Variants in HTR2B observed in about 807,000 individuals in gnomAD.
The protein encoded by HTR2B is 5-hydroxytryptamine receptor 2B.
A neutral mutation model predicts 39.8 loss-of-function variants in HTR2B; 31 were observed. The observed-to-expected ratio is 0.78, with a 90% confidence interval of 0.58 to 1.05. The LOEUF is 1.05. Among genes scored for constraint, HTR2B ranks in the 50% least tolerant of loss-of-function variants. HTR2B has a pLI of 0.00. For synonymous variants in HTR2B, 210 were observed against 207.1 expected (o/e 1.01, Z -0.12); for missense variants, 562 against 578.0 (o/e 0.97, Z 0.28).
At chr2:231,124,940 A>G (rs1326124062) in intron 1 of HTR2B, 32 bp downstream of exon 1, 1 of 152,088 alleles carries the variant, frequency 6.6e-6, no homozygotes, top group African/African-American at 2.4e-5. Flanking sequence ...AAACCTTTAG[A>G]TTAATTCCAT....
Position 231,123,911 on chromosome 2 carries a change from A to ACGCCTGTAATCCC in HTR2B, c.-148_-147insGGGATTACAGGCG. ...CACCTTCCTTTAAAAAAAAAAATTC[A>ACGCCTGTAATCCC]AGTTCTCTAAAATGAGCGCATACAC... On this transcript the variant is annotated 5_prime_UTR_variant, in exon 2 of 4. It removes the in-frame stop codon of an upstream open reading frame in the 5' UTR. Transcript: ENST00000258400. 1 of 696,530 alleles carries ACGCCTGTAATCCC rather than the reference A, an allele frequency of 1.4e-6. No individual in the cohort carries two copies. The highest frequency in any genetic ancestry group is 2.6e-6 in the Non-Finnish European group (1 of 384,614). The allele number at this position is 696,530 out of a possible 1,614,324, so 43.1% of individuals were successfully genotyped here. A position where few individuals can be genotyped will look rare whatever the true frequency, so the allele number is the denominator to read the frequency against.
chr2:231,113,954 A>G, intron 2 of HTR2B, 25 bp from the exon 3 acceptor site: 1 of 1,594,818 alleles, frequency 6.3e-7, no homozygotes, highest in African/African-American at 1.3e-5. Flanking sequence ...AACAAGACAA[A>G]CATTTTATTC....
At position 231,114,531 on chromosome 2, in the gene HTR2B, G is replaced by A. The variant is rs114641757; in HGVS notation, c.353-602C>T. ...CAAAAGGAATGGCTTCAGATTATCC[G>A]GAAGAAAAGTAGATTGTTTCCCCTT... On this transcript the variant is annotated intron_variant, in intron 2 of 3. Transcript: ENST00000258400. Among the ~76,000 whole-genome samples, 1,170 of 152,128 alleles carry A rather than the reference G, an allele frequency of 7.7e-3. 6 individuals carry two copies. The highest frequency in any genetic ancestry group is 0.012 in the Non-Finnish European group (803 of 67,982).
intron 2 of HTR2B, among the ~76,000 whole-genome samples, chr2:231,114,136 T>C (rs969925690): frequency 1.3e-5 from 2 of 152,226 alleles, no homozygotes; most frequent in African/African-American, 4.8e-5. Context: ...CATTTTCTAT[T>C]TTGCATAATA....
intron 2 of HTR2B, among the ~76,000 whole-genome samples, chr2:231,121,211 A>T (rs1695529395): frequency 6.6e-6 from 1 of 152,144 alleles, no homozygotes. Context: ...GGGCTATAAA[A>T]TATTTTATTT....
At position 231,123,672 on chromosome 2, in the gene HTR2B, C is replaced by G; in HGVS notation, c.93G>C (p.Trp31Cys). The change falls in exon 2 of 4, where the codon TGG (tryptophan) becomes TGC (cysteine). Residue 31 changes from tryptophan to cysteine, a missense_variant. Trp to Cys is a radical substitution (Grantham distance 215). Transcript: ENST00000258400. ...GTATTGATTCTGTCTGTAATCCAGA[C>G]CAGTTAGAAGAGATAACGTGAACAA... ...STFVHVISSN[W>C]SGLQTESIPE... 1 of 1,613,976 alleles carries G rather than the reference C, an allele frequency of 6.2e-7. No homozygotes were observed. The highest frequency in any genetic ancestry group is 1.1e-5 in the South Asian group (1 of 91,076).
At chr2:231,123,322 T>C in intron 2 of HTR2B, 91 bp downstream of exon 2, 1 of 966,214 alleles carries the variant, frequency 1.0e-6, no homozygotes, top group Non-Finnish European at 1.7e-6. Context: ...ATCTTTTATT[T>C]CAAGAAAAGT....
intron 2 of HTR2B, among the ~76,000 whole-genome samples, chr2:231,121,603 A>G: frequency 6.6e-6 from 1 of 152,148 alleles, no homozygotes; most frequent in East Asian, 1.9e-4. Context: ...GAATACATGG[A>G]ATCTATTAAA....
At chr2:231,120,076 C>T (rs1486333712) in intron 2 of HTR2B, among the ~76,000 whole-genome samples, 29 of 151,438 alleles carry the variant, frequency 1.9e-4, no homozygotes, top group African/African-American at 6.8e-4. Flanking sequence ...CTCAGTCTCC[C>T]GAGTAGCTGG....
chr2:231,119,272 A>G (rs1350674370), intron 2 of HTR2B, among the ~76,000 whole-genome samples: 1 of 152,112 alleles, frequency 6.6e-6, no homozygotes, highest in Non-Finnish European at 1.5e-5. Context: ...ACTGCTATAC[A>G]TTTGTTTCAT....
At chr2:231,120,679 C>T (rs1695508700) in intron 2 of HTR2B, among the ~76,000 whole-genome samples, 1 of 152,128 alleles carries the variant, frequency 6.6e-6, no homozygotes. Context: ...TTTTACTGCT[C>T]TTATTTTTAA....
At chr2:231,122,672 T>A (rs905325060) in intron 2 of HTR2B, among the ~76,000 whole-genome samples, 12 of 152,162 alleles carry the variant, frequency 7.9e-5, no homozygotes, top group African/African-American at 1.9e-4. Context: ...ATATCTTTTT[T>A]TTATTATAGC....
intron 2 of HTR2B, among the ~76,000 whole-genome samples, chr2:231,114,641 C>G (rs17440378): frequency 3.3e-5 from 5 of 151,956 alleles, no homozygotes; most frequent in African/African-American, 1.2e-4. Context: ...CAGGGTTAGA[C>G]GTAGTACTTA....
intron 3 of HTR2B, among the ~76,000 whole-genome samples, chr2:231,113,041 G>A (rs747348350): frequency 3.0e-4 from 45 of 152,044 alleles, no homozygotes; most frequent in Non-Finnish European, 1.0e-4. Flanking sequence ...GGGTGTGTCT[G>A]TAGTCCCAGC....
intron 2 of HTR2B, among the ~76,000 whole-genome samples, chr2:231,119,898 A>G (rs925125056): frequency 6.6e-6 from 1 of 151,080 alleles, no homozygotes; most frequent in Non-Finnish European, 1.5e-5. Flanking sequence ...AAAACTTATA[A>G]ATAAACCAAT....
chr2:231,113,944 AACAAG>A lies in HTR2B; in HGVS notation c.353-20_353-16del. The A allele has an allele frequency of 6.2e-7, 1 of 1,604,522 alleles. No homozygotes were observed. Among genetic ancestry groups the A allele is most frequent in the Non-Finnish European group, 8.5e-7 (1 of 1,171,576 alleles). ...CCACATAGCCTCTGAAAGAAACAAAAACAAGACAAACATTTTATTCTATAAAATGG... is the reference window on the plus strand; with the variant it reads ...CCACATAGCCTCTGAAAGAAACAAAAACAAACATTTTATTCTATAAAATGG... On this transcript the variant is annotated splice_polypyrimidine_tract_variant and intron_variant, in intron 2 of 3. Transcript: ENST00000258400.
At chr2:231,118,347 C>T (rs576627363) in intron 2 of HTR2B, among the ~76,000 whole-genome samples, 1 of 152,268 alleles carries the variant, frequency 6.6e-6, no homozygotes, top group East Asian at 1.9e-4. Context: ...GTTTGTCTTT[C>T]TACCTGCTGT....
chr2:231,108,849 A>G lies in HTR2B; in HGVS notation c.1114T>C (p.Ser372Pro), dbSNP rs373914468. ...TAGACCAAAGGATTCACTCCTGAGG[A>G]AACATAGCCTATCCACACAAATATC... is the stretch of plus-strand genomic sequence containing the variant. The part of the protein sequence containing the change: ...LEIFVWIGYV[S>P]SGVNPLVYTL... The change falls in exon 4 of 4, where the codon TCC (serine) becomes CCC (proline). Residue 372 changes from serine to proline, a missense_variant. By Grantham distance (74) the Ser-to-Pro change is moderately conservative. Transcript: ENST00000258400. 23 of 1,613,996 alleles carry G rather than the reference A, an allele frequency of 1.4e-5. No homozygotes were observed. The highest frequency in any genetic ancestry group is 2.7e-5 in the African/African-American group (2 of 74,888).
chr2:231,123,370 A>T (rs1199342198), intron 2 of HTR2B, 43 bp downstream of exon 2: 6 of 1,343,420 alleles, frequency 4.5e-6, no homozygotes, highest in Non-Finnish European at 6.4e-6. Context: ...ATAGTATATC[A>T]TAGTTCTGTG....
Sources: gnomAD v4.1 joint callset for allele counts (sites outside exome capture counted in the v4.1 genomes callset) on GRCh38, gnomAD v4.1.1 for gene constraint, MANE v1.5 for transcripts, NCBI Gene and HGNC (gene_info 2026-07-23, HGNC 2026-07-21) for gene names.